Variants in DMD observed in about 807,000 individuals in gnomAD.
DMD encodes mutant dystrophin.
In DMD, 63 loss-of-function variants were observed where a neutral mutation model predicts 330.1. The ratio of observed to expected loss-of-function variants is 0.19; its 90% confidence interval spans 0.16 to 0.24. The LOEUF (loss-of-function observed/expected upper bound fraction) is 0.24. Among genes scored for constraint, DMD ranks in the 10% least tolerant of loss-of-function variants. The pLI is 1.00. For missense variants in DMD, 3,344 were observed against 2,684.1 expected (o/e 1.25, Z -5.43); for synonymous variants, 1,223 against 959.8 (o/e 1.27, Z -5.07).
intron 1 of DMD, among the ~76,000 whole-genome samples, chrX:33,206,417 A>G (rs1263932320): frequency 8.9e-6 from 1 of 111,906 alleles, no homozygotes; most frequent in Non-Finnish European, 1.9e-5. Context: ...CATTTCAATT[A>G]AAGGATCATT....
In DMD at chrX:33,316,259, C is replaced by T. The variant is rs1312619009; in HGVS notation, c.7+23000G>A. On this transcript the variant is annotated intron_variant, in intron 1 of 17. Coordinates refer to the DMD transcript ENST00000288447. ...TTCTGAAAACCAAACTCCAACAATT[C>T]AATATCAATATCTTTAAAGGGATAA... Among the ~76,000 whole-genome samples the T allele has an allele frequency of 3.6e-5, 4 of 110,255 alleles. No individual in the cohort carries two copies. In the East Asian group the frequency reaches 1.1e-3, roughly 31 times the overall value.
chrX:31,658,189 T>G (rs371909357), intron 53 of DMD, 45 bp from the exon 54 acceptor site: 1 of 1,180,667 alleles, frequency 8.5e-7, no homozygotes, highest in African/African-American at 1.8e-5. Flanking sequence ...GTTTTTTTTA[T>G]GAAATCTCTA....
chrX:33,128,227 T>G, intron 1 of DMD: 1 of 1,180,652 alleles, frequency 8.5e-7, no homozygotes, highest in Non-Finnish European at 1.1e-6. Flanking sequence ...GATTTCCCTG[T>G]TGGTACTTTT....
intron 60 of DMD, among the ~76,000 whole-genome samples, chrX:31,383,364 C>T (rs745337421): frequency 9.8e-5 from 11 of 112,097 alleles, no homozygotes; most frequent in Admixed American, 2.8e-4. Context: ...CACACGGACG[C>T]GAGTGAAAGT....
chrX:33,070,673 C>CTCTCTCTCTCTATATA (rs1192910156), intron 1 of DMD, among the ~76,000 whole-genome samples: 1 of 35,654 alleles, frequency 2.8e-5, no homozygotes, highest in African/African-American at 1.3e-4. Flanking sequence ...CTCTCTCTCT[C>CTCTCTCTCTCTATATA]TATATATATA....
chrX:33,033,438 C>T (rs184008867), intron 1 of DMD, among the ~76,000 whole-genome samples: 133 of 107,498 alleles, frequency 1.2e-3, no homozygotes, highest in Non-Finnish European at 1.7e-3. Flanking sequence ...TGGCCAGGCG[C>T]GGTGGCTCAC....
At chrX:31,122,502 G>T (rs913084104) in intron 78 of DMD, among the ~76,000 whole-genome samples, 2 of 111,393 alleles carry the variant, frequency 1.8e-5, no homozygotes, top group African/African-American at 3.3e-5. Flanking sequence ...CTGTTGGCTT[G>T]CTTCTGAGGC....
intron 7 of DMD, among the ~76,000 whole-genome samples, chrX:32,734,689 A>G (rs1292358699): frequency 9.1e-6 from 1 of 109,884 alleles, no homozygotes; most frequent in Non-Finnish European, 1.9e-5. Context: ...ATAGATGCAG[A>G]AAAGGCCTTT....
chrX:31,760,081 C>T (rs1034714667), intron 51 of DMD, among the ~76,000 whole-genome samples: 3 of 111,647 alleles, frequency 2.7e-5, no homozygotes, highest in Non-Finnish European at 5.6e-5. Flanking sequence ...TGGAGATGTA[C>T]ATCATAGATT....
chrX:32,818,380 C>CA (rs1007896636), intron 5 of DMD, among the ~76,000 whole-genome samples: 47 of 108,351 alleles, frequency 4.3e-4, no homozygotes, highest in Non-Finnish European at 5.7e-4. Flanking sequence ...GTTGCTCAGA[C>CA]AAAAAAAAAT....
At chrX:32,698,040 A>G in intron 8 of DMD, 42 bp from the exon 9 acceptor site, 2 of 1,158,882 alleles carry the variant, frequency 1.7e-6, no homozygotes, top group Non-Finnish European at 2.3e-6. Flanking sequence ...GAGGAGGGGG[A>G]AAAACCATAA....
intron 63 of DMD, among the ~76,000 whole-genome samples, chrX:31,252,562 C>T (rs1221585955): frequency 8.9e-6 from 1 of 111,741 alleles, no homozygotes; most frequent in Non-Finnish European, 1.9e-5. Flanking sequence ...TGGAAGGACA[C>T]TCAAAGGGAT....
intron 44 of DMD, among the ~76,000 whole-genome samples, chrX:32,092,266 G>A (rs188705470): frequency 8.9e-6 from 1 of 111,954 alleles, no homozygotes; most frequent in African/African-American, 3.2e-5. Flanking sequence ...CACCCACACC[G>A]TAATCCGCTG....
At chrX:31,651,187 C>A (rs952900880) in intron 54 of DMD, among the ~76,000 whole-genome samples, 1 of 111,665 alleles carries the variant, frequency 9.0e-6, no homozygotes, top group African/African-American at 3.3e-5. Flanking sequence ...ACTGAAAACA[C>A]AGAAAATTTA....
In DMD at chrX:31,473,711, C is replaced by CAAAAAAAAAAAAAAA. The variant is rs55752684; in HGVS notation, c.8937+4380_8937+4394dup. Among the ~76,000 whole-genome samples, 91 of 40,129 alleles carry CAAAAAAAAAAAAAAA rather than the reference C, an allele frequency of 2.3e-3. 1 individual carries two copies. The highest frequency in any genetic ancestry group is 3.2e-3 in the Non-Finnish European group (68 of 20,961). 34.8% of individuals were successfully genotyped at this position (40,129 alleles called of 115,157 possible). ...CTGGTGACAGAGTGAGACTCTGTCT[C>CAAAAAAAAAAAAAAA]AAAAAAAAAAAAAAAAAGAAAACAA... is the stretch of plus-strand genomic sequence containing the variant. On this transcript the variant is annotated intron_variant, in intron 59 of 78. Coordinates refer to ENST00000357033, the MANE Select transcript of DMD (RefSeq NM_004006.3).
In DMD at chrX:32,545,335, C is replaced by CTGTG. The variant is rs761270890; in HGVS notation, c.1993-5_1993-2dup. On this transcript the variant is annotated splice_acceptor_variant, in intron 16 of 78. Transcript: ENST00000357033. LOFTEE classifies it high-confidence loss of function. ...GAGTGGTGGTGACAGCCTGTGAAAT[C>CTGTG]TGTGAGAAGTATTGAAACAGAGGTC... 2 of 1,209,813 alleles carry CTGTG rather than the reference C, an allele frequency of 1.7e-6. No homozygotes were observed. Among genetic ancestry groups the CTGTG allele is most frequent in the Middle Eastern group, 2.4e-4 (1 of 4,202 alleles).
chrX:32,119,965 AGCTGGTTGAAGGGAGGG>A (rs2096627888), intron 44 of DMD, among the ~76,000 whole-genome samples: 1 of 111,739 alleles, frequency 8.9e-6, no homozygotes, highest in Non-Finnish European at 1.9e-5. Context: ...CTCAACTAGG[AGCTGGTTGAAGGGAGGG>A]GCTGTGTCTT....
intron 13 of DMD, among the ~76,000 whole-genome samples, chrX:32,591,738 G>A (rs1222245059): frequency 3.6e-5 from 4 of 112,504 alleles, no homozygotes; most frequent in East Asian, 2.8e-4. Flanking sequence ...GGCAGGGTGG[G>A]AGCCCCATGC....
intron 29 of DMD, among the ~76,000 whole-genome samples, chrX:32,423,723 G>A (rs2098200284): frequency 9.0e-6 from 1 of 111,033 alleles, no homozygotes; most frequent in African/African-American, 3.3e-5. Flanking sequence ...GATTCATGGT[G>A]ATTAAAATAA....
Sources: allele counts gnomAD v4.1 joint callset (sites outside exome capture counted in the v4.1 genomes callset), GRCh38; gene constraint gnomAD v4.1.1; transcripts MANE v1.5; gene names NCBI Gene and HGNC (gene_info 2026-07-23, HGNC 2026-07-21).